ANKFN1: variants seen among roughly 807,000 people sequenced by gnomAD.
ANKFN1 encodes the protein ankyrin repeat and fibronectin type III domain containing 1, also known as ankyrin repeat and fibronectin type-III domain-containing protein 1.
In ANKFN1, 74 loss-of-function variants were observed where a neutral mutation model predicts 108.7. The observed-to-expected ratio is 0.68, with a 90% CI of 0.56 to 0.83. The LOEUF (loss-of-function observed/expected upper bound fraction) is 0.83, where lower values mean the gene tolerates loss of function less well. Among genes scored for constraint, ANKFN1 ranks in the 40% least tolerant of loss-of-function variants. The pLI is 0.00. For missense variants in ANKFN1, 1,505 were observed against 1,382.3 expected (o/e 1.09, Z -1.41); for synonymous variants, 547 against 516.2 (o/e 1.06, Z -0.81).
chr17:56,298,120 G>T (rs186376848), intron 3 of ANKFN1, among the ~76,000 whole-genome samples: 1 of 152,154 alleles, frequency 6.6e-6, no homozygotes, highest in East Asian at 1.9e-4. Context: ...AGACTCCAAG[G>T]GTGAGCAATT....
At chr17:56,394,477 T>A (rs913582664) in intron 8 of ANKFN1, among the ~76,000 whole-genome samples, 2 of 152,192 alleles carry the variant, frequency 1.3e-5, no homozygotes, top group Non-Finnish European at 2.9e-5. Flanking sequence ...CTCTCCACAC[T>A]TCCTCCTGGG....
intron 3 of ANKFN1, among the ~76,000 whole-genome samples, chr17:56,256,272 T>C (rs1240377244): frequency 1.3e-5 from 2 of 152,230 alleles, no homozygotes; most frequent in African/African-American, 4.8e-5. Flanking sequence ...CCCTTGTTTG[T>C]GAGCTTGGAA....
intron 3 of ANKFN1, among the ~76,000 whole-genome samples, chr17:56,235,756 G>A (rs1313585876): frequency 6.6e-6 from 1 of 152,138 alleles, no homozygotes; most frequent in East Asian, 1.9e-4. Flanking sequence ...GGTTACCGCA[G>A]CCCTGTATTA....
chr17:56,377,102 T>G (rs998609521), intron 8 of ANKFN1, among the ~76,000 whole-genome samples: 3 of 152,238 alleles, frequency 2.0e-5, no homozygotes, highest in African/African-American at 4.8e-5. Context: ...CTGCAGCATT[T>G]AGGGTTTGGC....
At position 56,492,178 on chromosome 17, in the gene ANKFN1, A is replaced by AT; in HGVS notation, c.2261-5dup. On this transcript the variant is annotated splice_polypyrimidine_tract_variant and intron_variant, in intron 18 of 20. Coordinates refer to ENST00000682825, the MANE Select transcript of ANKFN1 (RefSeq NM_001370326.1). ...TTAACATGTTTTATTTTGCTTGTCC[A>AT]TTTTCCAGTTCATTTTTGCAGCTAC... 1.4e-6 allele frequency: 1 copy of AT among 694,820 alleles called. No individual in the cohort carries two copies. The highest frequency in any genetic ancestry group is 1.5e-5 in the South Asian group (1 of 67,196). 43.0% of individuals were successfully genotyped at this position (694,820 alleles called of 1,614,324 possible). A position where few individuals can be genotyped will look rare whatever the true frequency, so the allele number is the denominator to read the frequency against.
At chr17:56,189,033 T>C (rs1912582189) in intron 1 of ANKFN1, among the ~76,000 whole-genome samples, 1 of 151,730 alleles carries the variant, frequency 6.6e-6, no homozygotes, top group Admixed American at 6.6e-5. Context: ...ACTGGGAGGG[T>C]GGTGCATCTC....
chr17:56,336,365 G>T (rs1212784931), intron 4 of ANKFN1, among the ~76,000 whole-genome samples: 1 of 152,108 alleles, frequency 6.6e-6, no homozygotes, highest in African/African-American at 2.4e-5. Context: ...TTTTTGGTTG[G>T]TAGGCTATTG....
At chr17:56,164,787 C>A (rs1243577282) in intron 1 of ANKFN1, among the ~76,000 whole-genome samples, 1 of 152,146 alleles carries the variant, frequency 6.6e-6, no homozygotes, top group Non-Finnish European at 1.5e-5. Flanking sequence ...CAATAGAAAT[C>A]TGTTCTGTCA....
At position 56,310,496 on chromosome 17, in the gene ANKFN1, A is replaced by G. The variant is rs576177724; in HGVS notation, c.54-15725A>G. Among the ~76,000 whole-genome samples the G allele has an allele frequency of 2.0e-5, 3 of 152,204 alleles. No homozygotes were observed. In the East Asian group the frequency reaches 5.8e-4, roughly 29 times the overall value. ...GCCAGATGTGGTGGCAGGTGCCTGT[A>G]GTCCCAGCTACTCAGGAGGCTGAGG... On this transcript the variant is annotated intron_variant, in intron 3 of 20. Coordinates refer to ENST00000682825, the MANE Select transcript of ANKFN1 (RefSeq NM_001370326.1).
chr17:56,189,179 T>TTTTTTTTTTTTTTTTTTG (rs1244013476), intron 1 of ANKFN1, among the ~76,000 whole-genome samples: 7 of 111,376 alleles, frequency 6.3e-5, no homozygotes, highest in Admixed American at 2.9e-4. Context: ...ACTTTTTTTT[T>TTTTTTTTTTTTTTTTTTG]TTTTTTTTTG....
intron 4 of ANKFN1, among the ~76,000 whole-genome samples, chr17:56,110,125 C>T (rs190618321): frequency 6.6e-6 from 1 of 152,190 alleles, no homozygotes; most frequent in African/African-American, 2.4e-5. Context: ...ACAGCATCAA[C>T]AAAGAACCCG....
chr17:56,434,708 C>A (rs947916767), intron 8 of ANKFN1, among the ~76,000 whole-genome samples: 5 of 152,146 alleles, frequency 3.3e-5, no homozygotes, highest in African/African-American at 1.2e-4. Flanking sequence ...CGGGTTCATG[C>A]TGCAGCAAGA....
intron 3 of ANKFN1, chr17:56,228,244 A>T (rs892327198): frequency 3.2e-6 from 1 of 316,422 alleles, no homozygotes. Flanking sequence ...TATTATGACC[A>T]TGTGACACTA....
chr17:56,395,747 G>A (rs1945239897), intron 8 of ANKFN1, among the ~76,000 whole-genome samples: 2 of 152,140 alleles, frequency 1.3e-5, no homozygotes, highest in South Asian at 4.1e-4. Flanking sequence ...TACTCGGGAG[G>A]CTGAGGCACG....
intron 4 of ANKFN1, among the ~76,000 whole-genome samples, chr17:56,335,430 T>C (rs2045779851): frequency 6.6e-6 from 1 of 152,194 alleles, no homozygotes; most frequent in African/African-American, 2.4e-5. Context: ...GAAGAGGCCC[T>C]TCACTTCCCT....
intron 8 of ANKFN1, among the ~76,000 whole-genome samples, chr17:56,435,633 G>A (rs1414879802): frequency 6.6e-6 from 1 of 152,134 alleles, no homozygotes; most frequent in African/African-American, 2.4e-5. Flanking sequence ...TAAGACGAAG[G>A]AATGTAACTT....
intron 4 of ANKFN1, among the ~76,000 whole-genome samples, chr17:56,343,311 T>C (rs1030562022): frequency 1.3e-5 from 2 of 152,040 alleles, no homozygotes; most frequent in Non-Finnish European, 2.9e-5. Context: ...TCAAAGTTTT[T>C]GTTTATCTGG....
At chr17:56,137,475 C>T (rs924996426) in intron 4 of ANKFN1, among the ~76,000 whole-genome samples, 4 of 152,154 alleles carry the variant, frequency 2.6e-5, no homozygotes, top group Non-Finnish European at 5.9e-5. Flanking sequence ...CCATTTCAAG[C>T]CTTTCTTGCT....
intron 2 of ANKFN1, among the ~76,000 whole-genome samples, chr17:56,220,067 T>C (rs563880997): frequency 2.0e-5 from 3 of 152,328 alleles, no homozygotes; most frequent in Non-Finnish European, 4.4e-5. Context: ...TTCTCTGTCT[T>C]CCGAAGGTGA....
Sources: gnomAD v4.1 joint callset for allele counts (sites outside exome capture counted in the v4.1 genomes callset) on GRCh38, gnomAD v4.1.1 for gene constraint, MANE v1.5 for transcripts, NCBI Gene and HGNC (gene_info 2026-07-23, HGNC 2026-07-21) for gene names.